Variants in ABI1 observed in about 807,000 individuals in gnomAD.
ABI1 encodes Abelson interactor 1.
ABI1 carries 14 observed loss-of-function variants against 54.6 expected under a neutral mutation model. The observed-to-expected ratio is 0.26, with a 90% CI of 0.17 to 0.40. The LOEUF (loss-of-function observed/expected upper bound fraction) is 0.40. Ranked by LOEUF, ABI1 falls within the 10% of genes least tolerant of loss-of-function variation. The pLI is 1.00. For synonymous variants in ABI1, 194 were observed against 209.3 expected (o/e 0.93, Z 0.63); for missense variants, 443 against 598.3 (o/e 0.74, Z 2.71).
chr10:26,850,364 TA>T (rs2050287783), intron 1 of ABI1, among the ~76,000 whole-genome samples: 1 of 152,040 alleles, frequency 6.6e-6, no homozygotes, highest in Non-Finnish European at 1.5e-5. Flanking sequence ...AGAACCCGCC[TA>T]AAAAACGTTC....
chr10:26,808,440 A>G (rs1403338921), intron 2 of ABI1, among the ~76,000 whole-genome samples: 2 of 152,098 alleles, frequency 1.3e-5, no homozygotes, highest in Non-Finnish European at 2.9e-5. Context: ...GCTGGTGTGT[A>G]TGCATGTGTT....
chr10:26,834,276 G>C (rs530795859), intron 1 of ABI1, among the ~76,000 whole-genome samples: 1 of 151,882 alleles, frequency 6.6e-6, no homozygotes, highest in Non-Finnish European at 1.5e-5. Context: ...ATATCATCTA[G>C]TCAATAAAAA....
At chr10:26,829,687 A>T (rs1057103721) in intron 1 of ABI1, among the ~76,000 whole-genome samples, 5 of 152,210 alleles carry the variant, frequency 3.3e-5, no homozygotes, top group Non-Finnish European at 5.9e-5. Flanking sequence ...AATGAGGATC[A>T]TAACTTCAAT....
intron 1 of ABI1, among the ~76,000 whole-genome samples, chr10:26,836,324 C>G (rs543976831): frequency 3.2e-4 from 49 of 151,250 alleles, no homozygotes; most frequent in Non-Finnish European, 5.5e-4. Flanking sequence ...TGTTAGCCAG[C>G]CTGGTCTCGA....
At chr10:26,823,675 A>C (rs1301505145) in intron 1 of ABI1, among the ~76,000 whole-genome samples, 1 of 152,192 alleles carries the variant, frequency 6.6e-6, no homozygotes, top group African/African-American at 2.4e-5. Flanking sequence ...AATGAAATGG[A>C]CTAAATCCAA....
intron 3 of ABI1, among the ~76,000 whole-genome samples, chr10:26,773,904 C>A (rs1460732994): frequency 6.6e-6 from 1 of 152,182 alleles, no homozygotes; most frequent in Non-Finnish European, 1.5e-5. Context: ...AAAAAAGTAA[C>A]ACATCTAAGC....
At chr10:26,837,806 G>T (rs1300283337) in intron 1 of ABI1, among the ~76,000 whole-genome samples, 1 of 148,744 alleles carries the variant, frequency 6.7e-6, no homozygotes. Flanking sequence ...GTAGAGACAG[G>T]GTTTCCTCAT....
chr10:26,841,379 A>C (rs148351450), intron 1 of ABI1, among the ~76,000 whole-genome samples: 1 of 149,848 alleles, frequency 6.7e-6, no homozygotes, highest in Non-Finnish European at 1.5e-5. Context: ...ATTAACATAT[A>C]TATCAACCCA....
intron 2 of ABI1, among the ~76,000 whole-genome samples, chr10:26,821,270 A>T (rs1475924897): frequency 6.6e-6 from 1 of 151,108 alleles, no homozygotes; most frequent in Non-Finnish European, 1.5e-5. Flanking sequence ...GTATAAAATA[A>T]GAGCAAATCA....
chr10:26,809,355 C>T (rs970226551), intron 2 of ABI1, among the ~76,000 whole-genome samples: 1 of 151,212 alleles, frequency 6.6e-6, no homozygotes, highest in Non-Finnish European at 1.5e-5. Flanking sequence ...CCCAAGAGTT[C>T]GAGACCACCC....
At chr10:26,855,333 C>T (rs1469612998) in intron 1 of ABI1, among the ~76,000 whole-genome samples, 5 of 152,176 alleles carry the variant, frequency 3.3e-5, no homozygotes, top group South Asian at 2.1e-4. Flanking sequence ...GTTTATTCCA[C>T]GGTATTCCTG....
chr10:26,826,617 T>C (rs1258791328), intron 1 of ABI1, among the ~76,000 whole-genome samples: 1 of 152,228 alleles, frequency 6.6e-6, no homozygotes, highest in Non-Finnish European at 1.5e-5. Context: ...CTTCTCCCAA[T>C]AGAAGACTGT....
At chr10:26,822,967 C>T (rs927048348) in intron 2 of ABI1, among the ~76,000 whole-genome samples, 171 bp downstream of exon 2, 8 of 152,024 alleles carry the variant, frequency 5.3e-5, no homozygotes, top group African/African-American at 1.9e-4. Flanking sequence ...TTTACCTTAT[C>T]ATGATAAAAA....
chr10:26,807,326 T>C (rs144707362), intron 2 of ABI1, among the ~76,000 whole-genome samples: 1 of 151,838 alleles, frequency 6.6e-6, no homozygotes, highest in Admixed American at 6.6e-5. Flanking sequence ...ATACGAAAAA[T>C]TAGCCAGGTG....
chr10:26,760,379 C>A (rs1355611591), intron 7 of ABI1, among the ~76,000 whole-genome samples: 1 of 152,172 alleles, frequency 6.6e-6, no homozygotes, highest in East Asian at 1.9e-4. Context: ...TTAGAGGTCA[C>A]ACAAGGTATC....
In ABI1 at chr10:26,823,297, G is replaced by C. The variant is rs750486005; in HGVS notation, c.126C>G (p.Asp42Glu). ...YCENNYIQAT[D>E]KRKALEETKA... The stretch of plus-strand genomic sequence containing the variant: ...TGGTCTCCTCTAAAGCTTTTCTCTT[G>C]TCTGTAGCCTGAAATAAGAACAAAA... Residue 42 changes from aspartate (D) to glutamate (E), a missense_variant, in exon 2 of 11, where the codon GAC (aspartate) becomes GAG (glutamate). Asp to Glu is a conservative substitution (Grantham distance 45). Coordinates refer to ENST00000376140, the MANE Select transcript of ABI1 (RefSeq NM_001012750.3). 2 of 1,515,372 alleles carry C rather than the reference G, an allele frequency of 1.3e-6. No homozygotes were observed. Among genetic ancestry groups the C allele is most frequent in the Non-Finnish European group, 1.8e-6 (2 of 1,141,356 alleles). The allele number at this position is 1,515,372 out of a possible 1,614,324, so 93.9% of individuals were successfully genotyped here.
intron 6 of ABI1, among the ~76,000 whole-genome samples, chr10:26,767,910 G>A (rs778030460): frequency 9.9e-5 from 15 of 152,074 alleles, no homozygotes; most frequent in Non-Finnish European, 1.5e-4. Flanking sequence ...GCCAGGCGTG[G>A]TGGCATGCAC....
chr10:26,804,430 AG>A (rs1291444691), intron 2 of ABI1, among the ~76,000 whole-genome samples: 3 of 152,138 alleles, frequency 2.0e-5, no homozygotes, highest in African/African-American at 7.2e-5. Context: ...ATATGTTTGA[AG>A]GAAGAAGCTG....
intron 7 of ABI1, among the ~76,000 whole-genome samples, chr10:26,761,019 T>C (rs551785586): frequency 1.2e-4 from 18 of 151,716 alleles, no homozygotes; most frequent in African/African-American, 3.9e-4. Flanking sequence ...CACAGCTCAC[T>C]GAAGCCTCAA....
Sources: allele counts gnomAD v4.1 joint callset (sites outside exome capture counted in the v4.1 genomes callset), GRCh38; gene constraint gnomAD v4.1.1; transcripts MANE v1.5; gene names NCBI Gene and HGNC (gene_info 2026-07-23, HGNC 2026-07-21).